The following NECAB1 variants were observed in gnomAD, a reference collection of about 807,000 sequenced individuals.
NECAB1 encodes N-terminal EF-hand calcium-binding protein 1.
NECAB1 carries 29 observed loss-of-function variants against 57.5 expected under a neutral mutation model. The ratio of observed to expected loss-of-function variants is 0.50; its 90% CI spans 0.38 to 0.69. The LOEUF is 0.69. Ranked by LOEUF, NECAB1 falls within the 30% of genes least tolerant of loss-of-function variation. The pLI is 0.00. For synonymous variants in NECAB1, 142 were observed against 147.7 expected (o/e 0.96, Z 0.28); for missense variants, 372 against 413.8 (o/e 0.90, Z 0.88).
chr8:90,908,586 G>A (rs1271542174), intron 5 of NECAB1, among the ~76,000 whole-genome samples: 2 of 152,046 alleles, frequency 1.3e-5, no homozygotes, highest in African/African-American at 4.8e-5. Flanking sequence ...TCAAACATAT[G>A]AATATAGTAT....
chr8:90,860,413 T>A (rs1198825447), intron 3 of NECAB1, among the ~76,000 whole-genome samples: 2 of 152,094 alleles, frequency 1.3e-5, no homozygotes, highest in Non-Finnish European at 2.9e-5. Context: ...AAACTTATTA[T>A]CCATGTCTTC....
intron 4 of NECAB1, among the ~76,000 whole-genome samples, chr8:90,872,847 CTTTTA>C (rs1808644098): frequency 6.6e-6 from 1 of 152,202 alleles, no homozygotes; most frequent in South Asian, 2.1e-4. Flanking sequence ...TAAGATAATA[CTTTTA>C]TTTAAGTTCG....
At chr8:90,935,953 A>G (rs575942023) in intron 9 of NECAB1, among the ~76,000 whole-genome samples, 2 of 152,194 alleles carry the variant, frequency 1.3e-5, no homozygotes, top group African/African-American at 4.8e-5. Context: ...ATTTCCAGCC[A>G]TATATAGAGG....
Position 90,877,995 on chromosome 8 carries a change from T to C in NECAB1, c.260-3038T>C, listed in dbSNP as rs567190446. Among the ~76,000 whole-genome samples the C allele has an allele frequency of 7.9e-5, 12 of 152,146 alleles. No individual in the cohort carries two copies. In the East Asian group the frequency reaches 9.7e-4, roughly 12 times the overall value. On this transcript the variant is annotated intron_variant, in intron 4 of 12. Coordinates refer to ENST00000417640, the MANE Select transcript of NECAB1 (RefSeq NM_022351.5). Reference sequence around the variant, plus strand: ...TGAGCCATTGCTGGTGTTTCTCCTATGAAGCCCTCTCTGACTCACCCAGGC... The same window carrying C: ...TGAGCCATTGCTGGTGTTTCTCCTACGAAGCCCTCTCTGACTCACCCAGGC...
At chr8:90,929,642 A>G (rs532122086) in intron 8 of NECAB1, among the ~76,000 whole-genome samples, 100 of 152,332 alleles carry the variant, frequency 6.6e-4, no homozygotes, top group African/African-American at 1.9e-3. Flanking sequence ...GGAGGGGGAA[A>G]AGTCTTGATA....
intron 2 of NECAB1, among the ~76,000 whole-genome samples, chr8:90,822,623 C>T (rs952373122): frequency 1.3e-5 from 2 of 151,740 alleles, no homozygotes; most frequent in African/African-American, 4.8e-5. Flanking sequence ...ATAGAATGCA[C>T]ATTATTATTT....
At chr8:90,808,640 C>CTTTTTTTTTTTTTT (rs200075536) in intron 2 of NECAB1, among the ~76,000 whole-genome samples, 543 of 81,214 alleles carry the variant, frequency 6.7e-3, no homozygotes, top group Non-Finnish European at 8.8e-3. Context: ...TTTTTCTTTT[C>CTTTTTTTTTTTTTT]TTTTTTTTTT....
At chr8:90,947,351 C>CACACACAG (rs1342952213) in intron 10 of NECAB1, among the ~76,000 whole-genome samples, 4,973 of 125,180 alleles carry the variant, frequency 0.04, 248 homozygotes, top group Admixed American at 0.089. Flanking sequence ...CACACACACA[C>CACACACAG]AATAAGCCAA....
chr8:90,863,518 A>G (rs944442084), intron 3 of NECAB1, among the ~76,000 whole-genome samples: 1 of 151,280 alleles, frequency 6.6e-6, no homozygotes, highest in Non-Finnish European at 1.5e-5. Context: ...ATGCTTTTGT[A>G]TACTTACAAA....
chr8:90,849,554 G>A (rs1812640310), intron 3 of NECAB1, among the ~76,000 whole-genome samples: 2 of 130,564 alleles, frequency 1.5e-5, no homozygotes, highest in South Asian at 5.0e-4. Context: ...CTTCCTATAT[G>A]CCAAACTGTC....
chr8:90,917,438 C>A, intron 5 of NECAB1, 54 bp from the exon 6 acceptor site: 1 of 1,501,058 alleles, frequency 6.7e-7, no homozygotes, highest in Non-Finnish European at 9.0e-7. Flanking sequence ...AAAAAAAAAT[C>A]CTGGGTATTT....
intron 10 of NECAB1, among the ~76,000 whole-genome samples, chr8:90,946,870 G>A (rs1810815134): frequency 1.3e-5 from 2 of 152,124 alleles, no homozygotes; most frequent in Non-Finnish European, 2.9e-5. Context: ...AGGTTATCAG[G>A]GTATTCTCAG....
intron 5 of NECAB1, among the ~76,000 whole-genome samples, chr8:90,906,891 A>ATATGTATATATATATG (rs1809679825): frequency 8.8e-6 from 1 of 113,412 alleles, no homozygotes; most frequent in Non-Finnish European, 1.8e-5. Flanking sequence ...ATATATATAT[A>ATATGTATATATATATG]TATATATATA....
intron 10 of NECAB1, among the ~76,000 whole-genome samples, chr8:90,942,360 A>G (rs1367624929): frequency 6.6e-6 from 1 of 152,196 alleles, no homozygotes; most frequent in Non-Finnish European, 1.5e-5. Flanking sequence ...GTATGAGTAC[A>G]GTACTTCCTC....
At chr8:90,880,767 T>C (rs950357671) in intron 4 of NECAB1, among the ~76,000 whole-genome samples, 2 of 152,168 alleles carry the variant, frequency 1.3e-5, no homozygotes, top group African/African-American at 4.8e-5. Flanking sequence ...GTCAGTAGAT[T>C]CAGATTTATT....
intron 3 of NECAB1, among the ~76,000 whole-genome samples, chr8:90,846,722 G>A (rs1474678454): frequency 1.3e-5 from 2 of 152,194 alleles, no homozygotes; most frequent in African/African-American, 2.4e-5. Flanking sequence ...AGGCAAAAGA[G>A]GAGCAAGTCA....
intron 2 of NECAB1, among the ~76,000 whole-genome samples, chr8:90,817,505 AGT>A (rs1812078669): frequency 6.6e-6 from 1 of 151,170 alleles, no homozygotes; most frequent in South Asian, 2.1e-4. Flanking sequence ...TTCTATTCCC[AGT>A]TTGCTGAGAG....
intron 5 of NECAB1, among the ~76,000 whole-genome samples, chr8:90,907,285 T>C (rs1809713291): frequency 1.3e-5 from 2 of 152,012 alleles, no homozygotes; most frequent in South Asian, 4.2e-4. Flanking sequence ...TCTGAGCCTG[T>C]CTAGATACTC....
At chr8:90,839,886 T>C (rs367566128) in intron 3 of NECAB1, among the ~76,000 whole-genome samples, 6 of 152,212 alleles carry the variant, frequency 3.9e-5, no homozygotes, top group African/African-American at 1.4e-4. Flanking sequence ...TAGGTTTATG[T>C]TTTCAAAAGA....
Sources: allele counts gnomAD v4.1 joint callset (sites outside exome capture counted in the v4.1 genomes callset), GRCh38; gene constraint gnomAD v4.1.1; transcripts MANE v1.5; gene names NCBI Gene and HGNC (gene_info 2026-07-23, HGNC 2026-07-21).